Variants in ANK2 observed in about 807,000 individuals in gnomAD.
ANK2 encodes ankyrin 2.
Under a neutral mutation model 360.5 loss-of-function variants are expected in ANK2, and 83 were observed. The observed-to-expected ratio is 0.23, with a 90% CI of 0.19 to 0.28. The LOEUF is 0.28. Ranked by LOEUF, ANK2 falls within the 10% of genes least tolerant of loss-of-function variation. ANK2 has a pLI of 1.00. For missense variants in ANK2, 4,201 were observed against 4,795.7 expected (o/e 0.88, Z 3.66); for synonymous variants, 1,740 against 1,759.5 (o/e 0.99, Z 0.28).
At chr4:113,330,198 T>C (rs2153920401) in intron 26 of ANK2, 48 bp from the exon 27 acceptor site, 1 of 1,548,084 alleles carries the variant, frequency 6.5e-7, no homozygotes, top group Non-Finnish European at 8.8e-7. Flanking sequence ...CTTGTTCATC[T>C]GCCCCCAATA....
At position 113,068,380 on chromosome 4, in the gene ANK2, G is replaced by A. The variant is rs117409044; in HGVS notation, c.84+18568G>A. Among the ~76,000 whole-genome samples, 1,384 of 152,272 alleles carry A rather than the reference G, an allele frequency of 9.1e-3. 77 individuals carry two copies. The highest frequency in any genetic ancestry group is 0.07 in the Admixed American group (1,071 of 15,282). On this transcript the variant is annotated intron_variant, in intron 1 of 45. Coordinates refer to ENST00000357077, the MANE Select transcript of ANK2 (RefSeq NM_001148.6). The stretch of plus-strand genomic sequence containing the variant: ...GGAAGTCCTTGGAGGATCTTTAAGC[G>A]TATGTTACCCTTGTTTGCTTGTACC...
At chr4:113,110,097 A>T (rs1201818312) in intron 1 of ANK2, among the ~76,000 whole-genome samples, 1 of 152,194 alleles carries the variant, frequency 6.6e-6, no homozygotes, top group Non-Finnish European at 1.5e-5. Context: ...GTAATTTATA[A>T]AGGAAAGGGA....
intron 18 of ANK2, among the ~76,000 whole-genome samples, chr4:113,283,220 T>C (rs2063086752): frequency 6.6e-6 from 1 of 152,204 alleles, no homozygotes; most frequent in Non-Finnish European, 1.5e-5. Context: ...CAGTGTCTGC[T>C]GCTCCTCATT....
the ANK2 span, among the ~76,000 whole-genome samples, chr4:112,777,521 G>A: frequency 1.4e-5 from 2 of 147,484 alleles, no homozygotes; most frequent in Non-Finnish European, 3.0e-5. Flanking sequence ...GATTACAGGC[G>A]TGAGCCACAG....
chr4:112,878,429 C>T (rs1304208115), intron 1 of ANK2, among the ~76,000 whole-genome samples: 2 of 152,098 alleles, frequency 1.3e-5, no homozygotes, highest in African/African-American at 2.4e-5. Context: ...CAGGTTCAAG[C>T]GATTCTCCTG....
intron 1 of ANK2, among the ~76,000 whole-genome samples, chr4:112,850,472 C>T (rs1162295919): frequency 2.9e-5 from 3 of 102,352 alleles, no homozygotes; most frequent in Non-Finnish European, 6.0e-5. Context: ...TTCATAGTGC[C>T]TCCAGTTTTT....
chr4:112,837,132 G>A (rs200734131), intron 1 of ANK2, among the ~76,000 whole-genome samples: 5 of 152,208 alleles, frequency 3.3e-5, no homozygotes, highest in African/African-American at 9.6e-5. Flanking sequence ...GCTCTGCTCT[G>A]TGCAGCCTTG....
rs730880048 is a variant in ANK2 at position 113,357,791 on chromosome 4, G to A, written c.9173G>A (p.Arg3058His). The A allele has an allele frequency of 4.3e-6, 7 of 1,613,816 alleles. No individual in the cohort carries two copies. The highest frequency in any genetic ancestry group is 1.3e-5 in the African/African-American group (1 of 74,892). The change falls in exon 38 of 46, where the codon CGT becomes CAT. Residue 3058 changes from arginine to histidine, a missense_variant. Arg to His is a conservative substitution (Grantham distance 29). Around this residue, in one of 4 missense-constraint regions of ANK2, gnomAD observed 2,642 missense variants for 2,714.5 expected, o/e 0.97. Coordinates refer to ENST00000357077, the MANE Select transcript of ANK2 (RefSeq NM_001148.6). ...IREDDEAFEA[R>H]VKEEEQKIFG... ...GAAGACGATGAAGCCTTTGAGGCTCGTGTGAAAGAGGAAGAACAAAAGATA... is the reference window on the plus strand; with the variant it reads ...GAAGACGATGAAGCCTTTGAGGCTCATGTGAAAGAGGAAGAACAAAAGATA...
At chr4:112,825,384 C>A (rs1041087421) in intron 1 of ANK2, among the ~76,000 whole-genome samples, 2 of 152,084 alleles carry the variant, frequency 1.3e-5, no homozygotes, top group Non-Finnish European at 2.9e-5. Context: ...CCACTGTCCT[C>A]AGTTGGAAAG....
rs1211122078 is a variant in ANK2 at position 113,310,818 on chromosome 4, TCCCC to T, written c.2549-436_2549-433del. ...ATGTGACAGATTCTGTATTAAACCA[TCCCC>T]TTCACCTTTTCATGAATAAGAATAG... is the stretch of plus-strand genomic sequence containing the variant. On this transcript the variant is annotated intron_variant, in intron 23 of 45. Transcript: ENST00000357077. Among the ~76,000 whole-genome samples the T allele has an allele frequency of 1.1e-4, 17 of 152,334 alleles. No homozygotes were observed. In the East Asian group the frequency reaches 2.1e-3, roughly 19 times the overall value.
chr4:112,758,897 T>C, the ANK2 span, among the ~76,000 whole-genome samples: 1 of 152,212 alleles, frequency 6.6e-6, no homozygotes, highest in Non-Finnish European at 1.5e-5. Context: ...AGGAACCTTG[T>C]GCCCATGATG....
At chr4:112,891,346 A>G (rs1382454309) in intron 1 of ANK2, among the ~76,000 whole-genome samples, 1 of 152,230 alleles carries the variant, frequency 6.6e-6, no homozygotes, top group African/African-American at 2.4e-5. Context: ...GCTATTTTCT[A>G]TTCCAGCCAT....
chr4:112,865,414 T>C (rs983667346), intron 1 of ANK2, among the ~76,000 whole-genome samples: 7 of 152,312 alleles, frequency 4.6e-5, no homozygotes, highest in African/African-American at 1.4e-4. Flanking sequence ...GGTTTTAAAA[T>C]GTTTATTCAG....
intron 14 of ANK2, among the ~76,000 whole-genome samples, chr4:113,268,938 A>C (rs2057363151): frequency 1.3e-5 from 2 of 152,178 alleles, no homozygotes; most frequent in South Asian, 2.1e-4. Flanking sequence ...TTATTGGTCT[A>C]TTCAGGGATT....
intron 1 of ANK2, among the ~76,000 whole-genome samples, chr4:112,880,056 A>G (rs2076270967): frequency 6.9e-6 from 1 of 145,598 alleles, no homozygotes; most frequent in Non-Finnish European, 1.5e-5. Flanking sequence ...ACTCACACAC[A>G]CACACACTCT....
At chr4:113,015,418 T>C (rs1356033691) in intron 2 of ANK2, among the ~76,000 whole-genome samples, 1 of 152,236 alleles carries the variant, frequency 6.6e-6, no homozygotes, top group East Asian at 1.9e-4. Context: ...CTTGCTTTCC[T>C]GACCATATGT....
rs548665509 is a variant in ANK2 at position 113,352,960 on chromosome 4, G to A, written c.4427-85G>A. ...CACCACCACCACCACAGGAAAAGAC[G>A]CTGTGTCGTTTCAGTCCTGATTACA... On this transcript the variant is annotated intron_variant, in intron 37 of 45. Transcript: ENST00000357077. The A allele has an allele frequency of 2.6e-5, 38 of 1,472,828 alleles. 1 individual carries two copies. The South Asian group carries it at 3.8e-4, about 15-fold the overall frequency. The allele number at this position is 1,472,828 out of a possible 1,614,324, so 91.2% of individuals were successfully genotyped here.
the ANK2 span, among the ~76,000 whole-genome samples, chr4:112,795,578 A>G: frequency 6.6e-6 from 1 of 152,080 alleles, no homozygotes; most frequent in Non-Finnish European, 1.5e-5. Flanking sequence ...ATCTCGGCCC[A>G]CTGCAACCTC....
chr4:112,803,137 C>T, the ANK2 span, among the ~76,000 whole-genome samples: 1 of 152,136 alleles, frequency 6.6e-6, no homozygotes, highest in African/African-American at 2.4e-5. Context: ...CCAGTATTCC[C>T]TCGAGAATAT....
Sources: allele counts gnomAD v4.1 joint callset (sites outside exome capture counted in the v4.1 genomes callset), GRCh38; gene constraint gnomAD v4.1.1; regional missense constraint gnomAD v4.1.1; transcripts MANE v1.5; gene names NCBI Gene and HGNC (gene_info 2026-07-23, HGNC 2026-07-21).